NEGR1: variants seen among roughly 807,000 people sequenced by gnomAD.
NEGR1 encodes IgLON family member 4.
NEGR1 carries 10 observed loss-of-function variants against 40.9 expected under a neutral mutation model. The observed-to-expected ratio is 0.24, with a 90% CI of 0.15 to 0.42. The LOEUF is 0.42. NEGR1 is among the 10% of genes least tolerant of loss of function. The pLI is 1.00. For missense variants in NEGR1, 352 were observed against 438.9 expected (o/e 0.80, Z 1.77); for synonymous variants, 185 against 166.8 (o/e 1.11, Z -0.84).
chr1:71,737,576 A>G (rs1273128120), intron 3 of NEGR1, among the ~76,000 whole-genome samples: 2 of 152,168 alleles, frequency 1.3e-5, no homozygotes, highest in African/African-American at 2.4e-5. Flanking sequence ...AATAGAGACT[A>G]AAACTTATTT....
rs150250272 is a variant in NEGR1, at chr1:72,217,413, G to C, written c.176+64906C>G. On this transcript the variant is annotated intron_variant, in intron 1 of 6. Coordinates refer to ENST00000357731, the MANE Select transcript of NEGR1 (RefSeq NM_173808.3). ...CAAATCAACCTTTTAATCTTGAGTGGCTTTTTTTAAGCAATAAAATCAATT... is the reference window on the plus strand; with the variant it reads ...CAAATCAACCTTTTAATCTTGAGTGCCTTTTTTTAAGCAATAAAATCAATT... Among the ~76,000 whole-genome samples the C allele has an allele frequency of 2.7e-4, 41 of 151,656 alleles. 1 individual carries two copies. The East Asian group carries it at 7.4e-3, about 27-fold the overall frequency.
chr1:72,119,828 G>A (rs1649729732), intron 1 of NEGR1, among the ~76,000 whole-genome samples: 1 of 151,882 alleles, frequency 6.6e-6, no homozygotes, highest in Non-Finnish European at 1.5e-5. Context: ...AAAAGTCCTA[G>A]AATATCTTCA....
At position 71,602,985 on chromosome 1, in the gene NEGR1, A is replaced by T. The variant is rs534660425; in HGVS notation, c.788+8041T>A. ...ACGTGGTAAGAGTTGTACTGACACC[A>T]CATTGGTTATTAAAAGAAATATAAT... On this transcript the variant is annotated intron_variant, in intron 5 of 6. Transcript: ENST00000357731. 8.1e-4 allele frequency among the ~76,000 whole-genome samples: 123 copies of T among 152,354 alleles called. 1 individual carries two copies. Among genetic ancestry groups the T allele is most frequent in the African/African-American group, 2.8e-3 (118 of 41,582 alleles).
At chr1:71,534,963 G>A (rs17503667) in intron 6 of NEGR1, among the ~76,000 whole-genome samples, 6,144 of 151,558 alleles carry the variant, frequency 0.041, 171 homozygotes, top group Middle Eastern at 0.061. Context: ...TGGTGGGCTA[G>A]CAATAGTCTC....
At chr1:71,442,128 A>T (rs772188040) in intron 6 of NEGR1, among the ~76,000 whole-genome samples, 2 of 152,040 alleles carry the variant, frequency 1.3e-5, no homozygotes, top group African/African-American at 2.4e-5. Flanking sequence ...ACCTTGAAAA[A>T]AAACCTCTCT....
rs116317234 is a variant in NEGR1 at position 71,692,277 on chromosome 1, A to G, written c.667+5731T>C. On this transcript the variant is annotated intron_variant, in intron 4 of 6. Coordinates refer to ENST00000357731, the MANE Select transcript of NEGR1 (RefSeq NM_173808.3). Reference sequence around the variant, plus strand: ...TTTCTCCCCTGAGTTGTTCCAAATAAGTGTTAATTAGCTTAAAAAAAAACA... The same window carrying G: ...TTTCTCCCCTGAGTTGTTCCAAATAGGTGTTAATTAGCTTAAAAAAAAACA... 6.0e-3 allele frequency among the ~76,000 whole-genome samples: 909 copies of G among 151,852 alleles called. 16 individuals carry two copies. The highest frequency in any genetic ancestry group is 0.02 in the African/African-American group (844 of 41,472).
chr1:72,037,609 A>C (rs1023098271), intron 1 of NEGR1, among the ~76,000 whole-genome samples: 1 of 152,120 alleles, frequency 6.6e-6, no homozygotes, highest in Non-Finnish European at 1.5e-5. Context: ...GCTTTCCTTC[A>C]TCATTAACAT....
intron 2 of NEGR1, among the ~76,000 whole-genome samples, chr1:71,826,226 T>C (rs1658618397): frequency 6.6e-6 from 1 of 151,928 alleles, no homozygotes. Context: ...ATCAAGTGTG[T>C]TCTCTGTCAC....
At chr1:71,675,777 T>C (rs1652608293) in intron 4 of NEGR1, among the ~76,000 whole-genome samples, 1 of 130,848 alleles carries the variant, frequency 7.6e-6, no homozygotes, top group African/African-American at 2.8e-5. Flanking sequence ...TTGGTTTTTG[T>C]TGTTGTTGTT....
chr1:72,020,738 T>A (rs969771436), intron 1 of NEGR1, among the ~76,000 whole-genome samples: 2 of 152,168 alleles, frequency 1.3e-5, no homozygotes, highest in African/African-American at 4.8e-5. Flanking sequence ...GATATTCATA[T>A]AAGATTCAAT....
At chr1:72,207,051 T>C (rs1653429470) in intron 1 of NEGR1, among the ~76,000 whole-genome samples, 1 of 150,258 alleles carries the variant, frequency 6.7e-6, no homozygotes, top group African/African-American at 2.4e-5. Flanking sequence ...TGGAAATAAG[T>C]GTTTGAAGAA....
intron 6 of NEGR1, among the ~76,000 whole-genome samples, chr1:71,535,485 A>T (rs1413676780): frequency 1.3e-5 from 2 of 151,802 alleles, no homozygotes; most frequent in Admixed American, 6.6e-5. Flanking sequence ...TTTACTGCAT[A>T]AAAAATTATG....
At chr1:71,447,380 A>C (rs569449727) in intron 6 of NEGR1, among the ~76,000 whole-genome samples, 10 of 152,332 alleles carry the variant, frequency 6.6e-5, no homozygotes, top group Non-Finnish European at 1.2e-4. Context: ...CATTGATATA[A>C]ATCATTTTCC....
Position 72,111,625 on chromosome 1 carries a change from T to C in NEGR1, c.176+170694A>G, listed in dbSNP as rs1050815500. On this transcript the variant is annotated intron_variant, in intron 1 of 6. Transcript: ENST00000357731. ...TATCAGAGTTTAATGGTGACTAAGA[T>C]AAAAAACACTTATGACAAATGATTA... Among the ~76,000 whole-genome samples, 3 of 151,810 alleles carry C rather than the reference T, an allele frequency of 2.0e-5. No homozygotes were observed. The Admixed American group carries it at 2.0e-4, about 10-fold the overall frequency.
chr1:71,419,548 T>G lies in NEGR1; in HGVS notation c.941-11978A>C, dbSNP rs143398512. Among the ~76,000 whole-genome samples the G allele has an allele frequency of 1.6e-3, 239 of 152,282 alleles. 1 individual carries two copies. The highest frequency in any genetic ancestry group is 4.1e-3 in the South Asian group (20 of 4,834). ...CCCAGGTCTTAAAATCTTAATTAAATCTGTTTTTTTTCCTCATAGATTTTA... is the reference window on the plus strand; with the variant it reads ...CCCAGGTCTTAAAATCTTAATTAAAGCTGTTTTTTTTCCTCATAGATTTTA... On this transcript the variant is annotated intron_variant, in intron 6 of 6. Coordinates refer to ENST00000357731, the MANE Select transcript of NEGR1 (RefSeq NM_173808.3).
chr1:71,541,975 G>A (rs1236724957), intron 6 of NEGR1, among the ~76,000 whole-genome samples: 1 of 151,692 alleles, frequency 6.6e-6, no homozygotes, highest in Non-Finnish European at 1.5e-5. Context: ...TATTCTAAGT[G>A]CTGTTGATAC....
chr1:71,570,908 T>C (rs1014428032), intron 6 of NEGR1: 2 of 152,166 alleles, frequency 1.3e-5, no homozygotes, highest in Non-Finnish European at 2.9e-5. Flanking sequence ...TATTTTTCAA[T>C]TGATAGAAAA....
intron 2 of NEGR1, among the ~76,000 whole-genome samples, chr1:71,799,979 T>C (rs1296121553): frequency 6.6e-6 from 1 of 152,170 alleles, no homozygotes; most frequent in Non-Finnish European, 1.5e-5. Context: ...CCCAAAGTGC[T>C]GGGATTACAT....
chr1:71,575,794 A>AAAAACAAAACAAAAC (rs147061004), intron 6 of NEGR1, among the ~76,000 whole-genome samples: 3 of 151,178 alleles, frequency 2.0e-5, no homozygotes, highest in Non-Finnish European at 4.4e-5. Flanking sequence ...AAACAAAAAC[A>AAAAACAAAACAAAAC]AAAACAAAAC....
Sources: gnomAD v4.1 joint callset for allele counts (sites outside exome capture counted in the v4.1 genomes callset) on GRCh38, gnomAD v4.1.1 for gene constraint, MANE v1.5 for transcripts, NCBI Gene and HGNC (gene_info 2026-07-23, HGNC 2026-07-21) for gene names.